The following SASS6 variants were observed in gnomAD, a reference collection of about 807,000 sequenced individuals.
The protein encoded by SASS6 is spindle assembly abnormal protein 6 homolog.
SASS6 carries 59 observed loss-of-function variants against 94.9 expected under a neutral mutation model. The observed-to-expected ratio is 0.62, with a 90% CI of 0.50 to 0.77. The LOEUF is 0.77. Among genes scored for constraint, SASS6 ranks in the 30% least tolerant of loss-of-function variants. SASS6 has a pLI of 0.00. For synonymous variants in SASS6, 264 were observed against 270.0 expected (o/e 0.98, Z 0.22); for missense variants, 698 against 734.1 (o/e 0.95, Z 0.57).
intron 13 of SASS6, among the ~76,000 whole-genome samples, chr1:100,105,034 C>G (rs1652787440): frequency 6.6e-6 from 1 of 152,070 alleles, no homozygotes; most frequent in African/African-American, 2.4e-5. Flanking sequence ...AGGTGACAAG[C>G]CTGCTAATAG....
chr1:100,124,747 T>C (rs990306432), intron 2 of SASS6, among the ~76,000 whole-genome samples: 1 of 152,238 alleles, frequency 6.6e-6, no homozygotes, highest in Non-Finnish European at 1.5e-5. Context: ...GAAACCAGTT[T>C]TGTAGAAGAC....
At chr1:100,109,278 G>A (rs1653132049) in intron 8 of SASS6, among the ~76,000 whole-genome samples, 1 of 152,058 alleles carries the variant, frequency 6.6e-6, no homozygotes, top group Admixed American at 6.6e-5. Context: ...AGGCTTTAGA[G>A]CTTCTAAGCA....
intron 14 of SASS6, among the ~76,000 whole-genome samples, chr1:100,098,406 C>G (rs575289816): frequency 2.0e-5 from 3 of 151,918 alleles, no homozygotes. Context: ...ATCTCTAAAA[C>G]AAACAAATGG....
At position 100,113,786 on chromosome 1, in the gene SASS6, T is replaced by C. The variant is rs187228013; in HGVS notation, c.670-3303A>G. ...ACCTAGTCGCGTTAAACAAAACAAA[T>C]TAAGAACATAAGAGAAATAATATGG... On this transcript the variant is annotated intron_variant, in intron 7 of 16. Transcript: ENST00000287482. Among the ~76,000 whole-genome samples the C allele has an allele frequency of 2.0e-5, 3 of 151,784 alleles. No homozygotes were observed. In the East Asian group the frequency reaches 5.8e-4, roughly 29 times the overall value.
intron 4 of SASS6, 100 bp from the exon 5 acceptor site, chr1:100,121,649 G>GTCCTCAATGTGCTCCCTTTC: frequency 1.5e-6 from 1 of 675,274 alleles, no homozygotes; most frequent in Non-Finnish European, 2.5e-6. Flanking sequence ...AGGAAAGGGA[G>GTCCTCAATGTGCTCCCTTTC]CACATTGAGG....
chr1:100,097,165 G>T (rs762953163), intron 14 of SASS6, among the ~76,000 whole-genome samples: 1 of 152,102 alleles, frequency 6.6e-6, no homozygotes, highest in Non-Finnish European at 1.5e-5. Context: ...TATTAGAATG[G>T]CTATACAACT....
intron 14 of SASS6, 125 bp from the exon 15 acceptor site, chr1:100,088,361 G>A (rs188956831): frequency 2.0e-5 from 11 of 551,266 alleles, no homozygotes; most frequent in African/African-American, 1.9e-4. Flanking sequence ...CATAATCACG[G>A]TTCACTGCAG....
At chr1:100,132,706 G>A in intron 1 of SASS6, 44 bp downstream of exon 1, 1 of 1,524,420 alleles carries the variant, frequency 6.6e-7, no homozygotes, top group Non-Finnish European at 9.1e-7. Flanking sequence ...CCATTGGCCT[G>A]ACCCCAACCG....
At chr1:100,095,296 G>A (rs1652033185) in intron 14 of SASS6, among the ~76,000 whole-genome samples, 1 of 152,170 alleles carries the variant, frequency 6.6e-6, no homozygotes, top group African/African-American at 2.4e-5. Flanking sequence ...TTTGGAGGCT[G>A]TGGCAGGTGG....
chr1:100,107,614 T>G lies in SASS6; in HGVS notation c.1146+14A>C. 1.9e-6 allele frequency: 3 copies of G among 1,577,352 alleles called. No homozygotes were observed. The highest frequency in any genetic ancestry group is 2.6e-6 in the Non-Finnish European group (3 of 1,158,512). On this transcript the variant is annotated intron_variant, in intron 10 of 16. Coordinates refer to ENST00000287482, the MANE Select transcript of SASS6 (RefSeq NM_194292.3). ...TTTAATGAAATACTAGTCTATAAAA[T>G]TTTTAAAACAAACCTTCAGAAGTTC...
Position 100,085,233 on chromosome 1 carries a change from G to A in SASS6, c.*95C>T. 3.7e-6 allele frequency: 3 copies of A among 808,902 alleles called. No homozygotes were observed. Among genetic ancestry groups the A allele is most frequent in the Non-Finnish European group, 6.4e-6 (3 of 465,360 alleles). 50.1% of individuals were successfully genotyped at this position (808,902 alleles called of 1,614,324 possible). A position where few individuals can be genotyped will look rare whatever the true frequency, so the allele number is the denominator to read the frequency against. On this transcript the variant is annotated 3_prime_UTR_variant, in exon 17 of 17. Transcript: ENST00000287482. ...GTCTTTAACAGCTCAAGTAAAATTTGAAACTTGCTATTTGAGGATCTGGTT... is the reference window on the plus strand; with the variant it reads ...GTCTTTAACAGCTCAAGTAAAATTTAAAACTTGCTATTTGAGGATCTGGTT...
intron 8 of SASS6, 58 bp downstream of exon 8, chr1:100,110,234 A>G: frequency 9.2e-7 from 1 of 1,090,302 alleles, no homozygotes. Flanking sequence ...CCACATTAAA[A>G]TAACCAAATC....
intron 14 of SASS6, among the ~76,000 whole-genome samples, chr1:100,100,825 C>T (rs1378692953): frequency 1.3e-5 from 2 of 152,164 alleles, no homozygotes; most frequent in Non-Finnish European, 2.9e-5. Context: ...GATCAATGAT[C>T]ACCAAAGTAG....
chr1:100,104,123 A>G (rs1343160613), intron 13 of SASS6, among the ~76,000 whole-genome samples: 1 of 152,228 alleles, frequency 6.6e-6, no homozygotes, highest in East Asian at 1.9e-4. Flanking sequence ...ATCCTATCTA[A>G]TAAAGCAAGA....
chr1:100,112,826 T>C (rs1653447397), intron 7 of SASS6, among the ~76,000 whole-genome samples: 1 of 152,222 alleles, frequency 6.6e-6, no homozygotes, highest in Non-Finnish European at 1.5e-5. Context: ...ATCAAGTTCC[T>C]GGACTCCACC....
intron 14 of SASS6, among the ~76,000 whole-genome samples, chr1:100,090,708 A>G (rs541884719): frequency 6.6e-6 from 1 of 152,216 alleles, no homozygotes; most frequent in South Asian, 2.1e-4. Context: ...AGATGGAGAT[A>G]CAATTACAGG....
chr1:100,125,222 A>AGTGTGTGTGTGTGTGTGTGTGT (rs59388922), intron 2 of SASS6, among the ~76,000 whole-genome samples: 118 of 143,716 alleles, frequency 8.2e-4, no homozygotes, highest in African/African-American at 2.9e-3. Context: ...ACAAGGCAGC[A>AGTGTGTGTGTGTGTGTGTGTGT]GTGTGTGTGT....
Position 100,110,482 on chromosome 1 carries a change from G to T in SASS6, c.671C>A (p.Ala224Glu). ...LTNEKEKALQ[A>E]QVQYQQQHEQ... ...ATGCTGCTGTTGATATTGAACCTGT[G>T]CCTATGATACAATAAAAATACAGTA... The change falls in exon 8 of 17, where the codon GCA (alanine) becomes GAA (glutamate). Residue 224 changes from alanine (A) to glutamate (E), a missense_variant and splice_region_variant. Coordinates refer to ENST00000287482, the MANE Select transcript of SASS6 (RefSeq NM_194292.3). The T allele has an allele frequency of 1.9e-6, 3 of 1,545,588 alleles. No individual in the cohort carries two copies. Among genetic ancestry groups the T allele is most frequent in the Non-Finnish European group, 2.6e-6 (3 of 1,142,782 alleles).
intron 2 of SASS6, 71 bp from the exon 3 acceptor site, chr1:100,123,360 T>C: frequency 1.4e-6 from 1 of 729,814 alleles, no homozygotes; most frequent in South Asian, 1.6e-5. Flanking sequence ...TTCTCAGAAG[T>C]AAAGAAATCC....
Sources: gnomAD v4.1 joint callset for allele counts (sites outside exome capture counted in the v4.1 genomes callset) on GRCh38, gnomAD v4.1.1 for gene constraint, MANE v1.5 for transcripts, NCBI Gene and HGNC (gene_info 2026-07-23, HGNC 2026-07-21) for gene names.